Variants in PHF2 observed in about 807,000 individuals in gnomAD.
PHF2 encodes lysine-specific demethylase PHF2.
In PHF2, 27 loss-of-function variants were observed where a neutral mutation model predicts 120.5. The observed-to-expected ratio is 0.22, with a 90% CI of 0.17 to 0.31. The LOEUF (loss-of-function observed/expected upper bound fraction) is 0.31. PHF2 is among the 10% of genes least tolerant of loss of function. The pLI is 1.00. For synonymous variants in PHF2, 568 were observed against 592.5 expected, an observed-to-expected ratio of 0.96 and a Z score of 0.60; for missense variants, 1,024 against 1,434.8, an observed-to-expected ratio of 0.71 and a Z score of 4.63.
rs903143635 is a variant in PHF2, at chr9:93,665,539, C to G, written c.1938-147C>G. The G allele has an allele frequency of 1.3e-5, 11 of 824,652 alleles. No individual in the cohort carries two copies. The East Asian group carries it at 2.9e-4, about 22-fold the overall frequency. The allele number at this position is 824,652 out of a possible 1,614,324, so 51.1% of individuals were successfully genotyped here. A position where few individuals can be genotyped will look rare whatever the true frequency, so the allele number is the denominator to read the frequency against. On this transcript the variant is annotated intron_variant, in intron 14 of 21. Transcript: ENST00000359246. ...ATCTCAACTGGGCCTGAGGCTTCTT[C>G]GGATGGAAATTCAAATAGTGGCAAC... is the stretch of plus-strand genomic sequence containing the variant.
Position 93,642,518 on chromosome 9 carries a change from A to T in PHF2, c.300-3111A>T, listed in dbSNP as rs2131669625. Among the ~76,000 whole-genome samples, 2 of 152,360 alleles carry T rather than the reference A, an allele frequency of 1.3e-5. 1 individual carries two copies. The highest frequency in any genetic ancestry group is 4.1e-4 in the South Asian group (2 of 4,832). Reference sequence around the variant, plus strand: ...ACATGATTCTAATATTCTAAAATGGATCTAAAGTTCTAGAGTGAAAGCTGT... The same window carrying T: ...ACATGATTCTAATATTCTAAAATGGTTCTAAAGTTCTAGAGTGAAAGCTGT... On this transcript the variant is annotated intron_variant, in intron 3 of 21. Transcript: ENST00000359246.
At chr9:93,644,272 G>C (rs1826216295) in intron 3 of PHF2, among the ~76,000 whole-genome samples, 1 of 151,942 alleles carries the variant, frequency 6.6e-6, no homozygotes, top group Non-Finnish European at 1.5e-5. Flanking sequence ...TGTAATCCCA[G>C]CTACTCAGGA....
At chr9:93,583,814 T>G (rs1313062736) in intron 1 of PHF2, among the ~76,000 whole-genome samples, 4 of 145,316 alleles carry the variant, frequency 2.8e-5, no homozygotes, top group Non-Finnish European at 6.0e-5. Flanking sequence ...ACTGTATCCT[T>G]TTTTTTCTTT....
In PHF2 at chr9:93,576,882, G is replaced by C. The variant is rs771786286; in HGVS notation, c.98+11G>C. The C allele has an allele frequency of 5.0e-6, 6 of 1,200,608 alleles. No individual in the cohort carries two copies. The South Asian group carries it at 9.2e-5, about 18-fold the overall frequency. The allele number at this position is 1,200,608 out of a possible 1,614,324, so 74.4% of individuals were successfully genotyped here. A position where few individuals can be genotyped will look rare whatever the true frequency, so the allele number is the denominator to read the frequency against. On this transcript the variant is annotated intron_variant, in intron 1 of 21. Transcript: ENST00000359246. The stretch of plus-strand genomic sequence containing the variant: ...CTGGTTCCACGGCAGGTGAGCGCGC[G>C]GCGGCTGCTCGGCTCGGCCCGGCCC...
At chr9:93,612,471 C>G (rs1455586034) in intron 1 of PHF2, among the ~76,000 whole-genome samples, 4 of 152,220 alleles carry the variant, frequency 2.6e-5, no homozygotes, top group African/African-American at 9.6e-5. Context: ...CCATTTCTTA[C>G]TACAAGTGAC....
At chr9:93,577,269 C>T (rs148039142) in intron 1 of PHF2, among the ~76,000 whole-genome samples, 3 of 151,520 alleles carry the variant, frequency 2.0e-5, no homozygotes, top group Admixed American at 6.6e-5. Context: ...CCGCCTCCCC[C>T]CTGCGAAGTT....
chr9:93,579,159 A>C (rs1234890825), intron 1 of PHF2, among the ~76,000 whole-genome samples: 1 of 152,160 alleles, frequency 6.6e-6, no homozygotes, highest in Non-Finnish European at 1.5e-5. Context: ...TTTTCTCATC[A>C]GTAAAATGAA....
In PHF2 at chr9:93,677,905, C is replaced by T; in HGVS notation, c.*229C>T. ...TCAAGTTGCTAAGAGTGATCTGTCCCAGAAAAGCGGCCCTGCAAGTTTGAG... is the reference window on the plus strand; with the variant it reads ...TCAAGTTGCTAAGAGTGATCTGTCCTAGAAAAGCGGCCCTGCAAGTTTGAG... On this transcript the variant is annotated 3_prime_UTR_variant, in exon 22 of 22. Transcript: ENST00000359246. This position sits in a 1 kb window ranked among gnomAD's most constrained non-coding sequence, Gnocchi z 4.4. 1.9e-6 allele frequency: 1 copy of T among 526,292 alleles called. No individual in the cohort carries two copies. The highest frequency in any genetic ancestry group is 3.4e-6 in the Non-Finnish European group (1 of 297,232). 32.6% of individuals were successfully genotyped at this position (526,292 alleles called of 1,614,324 possible). A position where few individuals can be genotyped will look rare whatever the true frequency, so the allele number is the denominator to read the frequency against.
In PHF2 at chr9:93,645,281, G is replaced by A. The variant is rs189738415; in HGVS notation, c.300-348G>A. Among the ~76,000 whole-genome samples, 6 of 152,360 alleles carry A rather than the reference G, an allele frequency of 3.9e-5. No homozygotes were observed. In the East Asian group the frequency reaches 7.7e-4, roughly 20 times the overall value. ...TGCCCCCGTCCTCACCTATGGGTCA[G>A]CCCGGGTGCCGGTGGTTGGGGAGCG... On this transcript the variant is annotated intron_variant, in intron 3 of 21. Coordinates refer to ENST00000359246, the MANE Select transcript of PHF2 (RefSeq NM_005392.4).
intron 1 of PHF2, among the ~76,000 whole-genome samples, chr9:93,609,466 A>G (rs1164886303): frequency 1.3e-5 from 2 of 151,856 alleles, no homozygotes; most frequent in African/African-American, 2.4e-5. Context: ...ACTGGTGACA[A>G]ATTTTCTGAA....
chr9:93,635,096 A>T (rs1160015420), intron 2 of PHF2, among the ~76,000 whole-genome samples: 5 of 152,236 alleles, frequency 3.3e-5, no homozygotes, highest in Admixed American at 3.3e-4. Context: ...TGCTTCCCTC[A>T]GAAGTCCTGG....
chr9:93,660,494 C>T lies in PHF2; in HGVS notation c.1632C>T (p.Asn544=). Residue 544 remains asparagine, a synonymous_variant, in exon 12 of 22, where the codon AAC becomes AAT. Coordinates refer to ENST00000359246, the MANE Select transcript of PHF2 (RefSeq NM_005392.4). ...AGTCAGCCTCACCCACCATCCCCAA[C>T]CTGGACCTGCTCGAAGCCCACACCA... ...SRESASPTIP[N]LDLLEAHTKE... 2 of 1,606,024 alleles carry T rather than the reference C, an allele frequency of 1.2e-6. No individual in the cohort carries two copies. Among genetic ancestry groups the T allele is most frequent in the East Asian group, 2.2e-5 (1 of 44,700 alleles).
chr9:93,650,910 A>T (rs10761249), intron 5 of PHF2, among the ~76,000 whole-genome samples: 54,795 of 151,940 alleles, frequency 0.36, 10,242 homozygotes, highest in Non-Finnish European at 0.4. Context: ...AAACAAAAGA[A>T]TTATCTAAAA....
intron 19 of PHF2, among the ~76,000 whole-genome samples, chr9:93,675,442 C>G (rs952204640): frequency 6.6e-6 from 1 of 152,262 alleles, no homozygotes; most frequent in African/African-American, 2.4e-5. Context: ...TGCCCAGACT[C>G]TGATGTTGCT....
In PHF2 at chr9:93,677,111, T is replaced by G; in HGVS notation, c.3202+148T>G. The G allele has an allele frequency of 1.2e-6, 1 of 817,578 alleles. No homozygotes were observed. The highest frequency in any genetic ancestry group is 2.1e-5 in the South Asian group (1 of 47,538). 50.6% of individuals were successfully genotyped at this position (817,578 alleles called of 1,614,324 possible). A position where few individuals can be genotyped will look rare whatever the true frequency, so the allele number is the denominator to read the frequency against. ...GGTGGCAGGGTGCTGTGGTCCAAGT[T>G]GGTTGCATCTTTGTGTGAGCGTATC... is the stretch of plus-strand genomic sequence containing the variant. On this transcript the variant is annotated intron_variant, in intron 21 of 21. Transcript: ENST00000359246. This position sits in a 1 kb window ranked among gnomAD's most constrained non-coding sequence, Gnocchi z 4.4.
chr9:93,590,771 A>T (rs931969488), intron 1 of PHF2, among the ~76,000 whole-genome samples: 2 of 152,144 alleles, frequency 1.3e-5, no homozygotes, highest in Non-Finnish European at 2.9e-5. Context: ...CCTTCCCCTG[A>T]AGGGACCACC....
chr9:93,579,053 G>GGT (rs1190865307), intron 1 of PHF2, among the ~76,000 whole-genome samples: 1 of 152,210 alleles, frequency 6.6e-6, no homozygotes, highest in Non-Finnish European at 1.5e-5. Flanking sequence ...GTTCTGGGCA[G>GGT]GTGTGTGATG....
chr9:93,673,514 G>A (rs1784917459), intron 17 of PHF2, 71 bp from the exon 18 acceptor site: 1 of 1,391,638 alleles, frequency 7.2e-7, no homozygotes, highest in Non-Finnish European at 9.8e-7. Flanking sequence ...GCAGGCCATA[G>A]GCTGTTGTTT....
intron 4 of PHF2, 122 bp from the exon 5 acceptor site, chr9:93,648,949 C>G (rs1440755282): frequency 9.0e-7 from 1 of 1,110,440 alleles, no homozygotes; most frequent in Non-Finnish European, 1.3e-6. Flanking sequence ...CGCATCCAGC[C>G]CCTGGCAGCT....
Sources: allele counts gnomAD v4.1 joint callset (sites outside exome capture counted in the v4.1 genomes callset), GRCh38; gene constraint gnomAD v4.1.1; non-coding constraint Gnocchi (gnomAD v3.1); transcripts MANE v1.5; gene names NCBI Gene and HGNC (gene_info 2026-07-23, HGNC 2026-07-21).